ASIC5: variants seen among roughly 807,000 people sequenced by gnomAD.
ASIC5 encodes bile acid-sensitive ion channel.
ASIC5 carries 52 observed loss-of-function variants against 51.2 expected under a neutral mutation model. The observed-to-expected ratio is 1.02, with a 90% CI of 0.81 to 1.28. ASIC5 has a LOEUF of 1.28. Among genes scored for constraint, ASIC5 ranks in the 50% most tolerant of loss-of-function variants. ASIC5 has a pLI of 0.00. For synonymous variants in ASIC5, 231 were observed against 200.7 expected, an observed-to-expected ratio of 1.15 and a Z score of -1.28; for missense variants, 635 against 595.0, an observed-to-expected ratio of 1.07 and a Z score of -0.70.
At chr4:155,859,617 T>C (rs1009084520) in intron 2 of ASIC5, among the ~76,000 whole-genome samples, 4 of 152,074 alleles carry the variant, frequency 2.6e-5, no homozygotes, top group Admixed American at 2.0e-4. Context: ...CTAATTAAAT[T>C]ACAGTGTTAA....
Position 155,838,005 on chromosome 4 carries a change from C to A in ASIC5, c.1066+808G>T, listed in dbSNP as rs192533907. Among the ~76,000 whole-genome samples the A allele has an allele frequency of 1.4e-3, 210 of 152,146 alleles. 1 individual carries two copies. The highest frequency in any genetic ancestry group is 2.2e-3 in the Admixed American group (34 of 15,254). On this transcript the variant is annotated intron_variant, in intron 7 of 9. Transcript: ENST00000537611. ...ATTTCAAGTCTATTGGTTAGTAATA[C>A]GGCTTTTGTATATTCAGCCTGTGAT...
At position 155,866,186 on chromosome 4, in the gene ASIC5, C is replaced by T. The variant is rs1304975016; in HGVS notation, c.40+1G>A. On this transcript the variant is annotated splice_donor_variant, in intron 1 of 9. Transcript: ENST00000537611. LOFTEE classifies it high-confidence loss of function. The stretch of plus-strand genomic sequence containing the variant: ...CTCTGAGGAGTTCACTCTTTACTCA[C>T]CGTTCTCAGCATATACTTTTGATTT... 4 of 1,594,710 alleles carry T rather than the reference C, an allele frequency of 2.5e-6. No homozygotes were observed. The highest frequency in any genetic ancestry group is 1.1e-5 in the South Asian group (1 of 90,254).
intron 2 of ASIC5, chr4:155,854,636 CTG>C (rs1353783954): frequency 3.1e-6 from 1 of 317,460 alleles, no homozygotes; most frequent in Non-Finnish European, 5.8e-6. Flanking sequence ...GCCAGATTTC[CTG>C]TGTGTGGCCT....
intron 6 of ASIC5, among the ~76,000 whole-genome samples, chr4:155,841,998 T>C (rs1579287149): frequency 6.6e-6 from 1 of 152,266 alleles, no homozygotes; most frequent in East Asian, 1.9e-4. Flanking sequence ...ACTTTGTTAT[T>C]AGTTGTCATT....
intron 6 of ASIC5, 52 bp from the exon 7 acceptor site, chr4:155,838,921 T>A: frequency 9.9e-7 from 1 of 1,008,012 alleles, no homozygotes; most frequent in Non-Finnish European, 1.5e-6. Context: ...GTAAAATAAG[T>A]GATCTAATGA....
chr4:155,832,337 G>A (rs934179875), intron 8 of ASIC5, among the ~76,000 whole-genome samples: 1 of 152,154 alleles, frequency 6.6e-6, no homozygotes, highest in Non-Finnish European at 1.5e-5. Flanking sequence ...TCACAGAGTT[G>A]CAGTGAGGCA....
chr4:155,865,193 A>AATACAC (rs1741831009), intron 1 of ASIC5: 3 of 152,110 alleles, frequency 2.0e-5, no homozygotes, highest in Admixed American at 6.6e-5. Context: ...ACTAAGCAGG[A>AATACAC]TAGCTTGTAT....
In ASIC5 at chr4:155,861,330, G is replaced by A. The variant is rs371950229; in HGVS notation, c.347+2118C>T. On this transcript the variant is annotated intron_variant, in intron 2 of 9. Coordinates refer to ENST00000537611, the MANE Select transcript of ASIC5 (RefSeq NM_017419.3). The stretch of plus-strand genomic sequence containing the variant: ...TATTTCCTTGTTTATTCTCTGTCAA[G>A]TTGTTCTATTGATTACTAAAAGTGG... Among the ~76,000 whole-genome samples the A allele has an allele frequency of 2.6e-4, 39 of 151,974 alleles. 1 individual carries two copies. The highest frequency in any genetic ancestry group is 8.7e-4 in the African/African-American group (36 of 41,506).
chr4:155,830,866 C>T (rs891265280), intron 9 of ASIC5, among the ~76,000 whole-genome samples: 1 of 152,140 alleles, frequency 6.6e-6, no homozygotes, highest in Non-Finnish European at 1.5e-5. Context: ...TATCTCATTG[C>T]CCTAGGCCAT....
intron 2 of ASIC5, among the ~76,000 whole-genome samples, chr4:155,862,173 A>T (rs1333531280): frequency 6.6e-6 from 1 of 152,074 alleles, no homozygotes; most frequent in Non-Finnish European, 1.5e-5. Flanking sequence ...TGCTACTTAA[A>T]ACAGTATGAA....
At chr4:155,860,598 T>A (rs1197361563) in intron 2 of ASIC5, among the ~76,000 whole-genome samples, 1 of 151,912 alleles carries the variant, frequency 6.6e-6, no homozygotes, top group Non-Finnish European at 1.5e-5. Context: ...TTGTCTTAAT[T>A]TTTTGTTCCC....
chr4:155,829,788 A>G lies in ASIC5; in HGVS notation c.*68T>C. ...TCTCAAAACTATAGAAAAGTGACGT[A>G]ACAATGAATTAGTCAAGATAAATCT... On this transcript the variant is annotated 3_prime_UTR_variant, in exon 10 of 10. Transcript: ENST00000537611. 2 of 1,007,736 alleles carry G rather than the reference A, an allele frequency of 2.0e-6. No individual in the cohort carries two copies. The highest frequency in any genetic ancestry group is 2.8e-6 in the Non-Finnish European group (2 of 707,500). The allele number at this position is 1,007,736 out of a possible 1,614,324, so 62.4% of individuals were successfully genotyped here. A position where few individuals can be genotyped will look rare whatever the true frequency, so the allele number is the denominator to read the frequency against.
rs375721709 is a variant in ASIC5, at chr4:155,859,767, G to A, written c.347+3681C>T. On this transcript the variant is annotated intron_variant, in intron 2 of 9. Transcript: ENST00000537611. ...ATGTTTCCATCCTCTTTTTACAATGGTTCTTCTCCCATATATAGAAAAGTA... is the reference window on the plus strand; with the variant it reads ...ATGTTTCCATCCTCTTTTTACAATGATTCTTCTCCCATATATAGAAAAGTA... Among the ~76,000 whole-genome samples the A allele has an allele frequency of 7.9e-5, 12 of 151,994 alleles. No homozygotes were observed. The East Asian group carries it at 1.4e-3, about 17-fold the overall frequency.
chr4:155,845,598 G>A (rs544691828), intron 4 of ASIC5, among the ~76,000 whole-genome samples: 22 of 151,962 alleles, frequency 1.4e-4, no homozygotes, highest in African/African-American at 2.9e-4. Context: ...TAATTCTACC[G>A]TTTTTTGGAG....
chr4:155,831,730 C>T (rs554051195), intron 9 of ASIC5, 94 bp downstream of exon 9: 17 of 724,348 alleles, frequency 2.3e-5, no homozygotes, highest in Admixed American at 7.9e-5. Flanking sequence ...GCCAAGATGG[C>T]GCCACTGCAC....
intron 2 of ASIC5, among the ~76,000 whole-genome samples, chr4:155,862,619 T>C (rs573426851): frequency 6.6e-6 from 1 of 152,216 alleles, no homozygotes; most frequent in South Asian, 2.1e-4. Flanking sequence ...GTACAGTCAA[T>C]GGACTGCAGG....
At chr4:155,855,964 G>A (rs1364572082) in intron 2 of ASIC5, among the ~76,000 whole-genome samples, 2 of 152,052 alleles carry the variant, frequency 1.3e-5, no homozygotes, top group Middle Eastern at 3.4e-3. Flanking sequence ...ACCTTTAAAA[G>A]TCTAAAAATA....
chr4:155,841,421 G>A (rs1741117667), intron 6 of ASIC5, among the ~76,000 whole-genome samples: 1 of 152,046 alleles, frequency 6.6e-6, no homozygotes, highest in South Asian at 2.1e-4. Context: ...TCCTCCATTT[G>A]ACAGCAGAGG....
intron 4 of ASIC5, among the ~76,000 whole-genome samples, chr4:155,844,469 A>G (rs151216879): frequency 4.1e-4 from 63 of 152,170 alleles, no homozygotes; most frequent in African/African-American, 1.4e-3. Flanking sequence ...CTTTCTTGCA[A>G]ATTCTTTTTA....
Sources: gnomAD v4.1 joint callset for allele counts (sites outside exome capture counted in the v4.1 genomes callset) on GRCh38, gnomAD v4.1.1 for gene constraint, MANE v1.5 for transcripts, NCBI Gene and HGNC (gene_info 2026-07-23, HGNC 2026-07-21) for gene names.